The following KIAA1549 variants were observed in gnomAD, a reference collection of about 807,000 sequenced individuals.
KIAA1549 encodes UPF0606 protein KIAA1549.
A neutral mutation model predicts 156.4 loss-of-function variants in KIAA1549; 70 were observed. That is an observed-to-expected ratio of 0.45 (90% CI 0.37 to 0.55). The LOEUF is 0.55. KIAA1549 is among the 20% of genes least tolerant of loss of function. KIAA1549 has a pLI of 0.00. For missense variants in KIAA1549, 2,428 were observed against 2,540.9 expected (o/e 0.96, Z 0.96); for synonymous variants, 1,103 against 1,066.4 (o/e 1.03, Z -0.67).
intron 15 of KIAA1549, among the ~76,000 whole-genome samples, chr7:138,865,357 G>A (rs1391717995): frequency 1.3e-5 from 2 of 151,976 alleles, no homozygotes; most frequent in Non-Finnish European, 2.9e-5. Flanking sequence ...CACCGCTCAA[G>A]GAGAAGATAT....
At chr7:138,958,679 C>G in intron 1 of KIAA1549, among the ~76,000 whole-genome samples, 1 of 152,120 alleles carries the variant, frequency 6.6e-6, no homozygotes, top group Non-Finnish European at 1.5e-5. Context: ...CTCACATCAG[C>G]TACTCTTCTT....
chr7:138,909,627 T>C (rs975251796), intron 4 of KIAA1549, among the ~76,000 whole-genome samples: 1 of 152,206 alleles, frequency 6.6e-6, no homozygotes, highest in African/African-American at 2.4e-5. Flanking sequence ...ATGTCCACAA[T>C]GAAAAGTTAA....
chr7:138,886,604 C>T (rs1394807745), intron 10 of KIAA1549, among the ~76,000 whole-genome samples: 1 of 152,020 alleles, frequency 6.6e-6, no homozygotes, highest in East Asian at 1.9e-4. Context: ...CTGAAATTCT[C>T]GGATCAATGG....
intron 1 of KIAA1549, among the ~76,000 whole-genome samples, chr7:138,970,705 G>A (rs1490741428): frequency 6.6e-6 from 1 of 152,212 alleles, no homozygotes; most frequent in Non-Finnish European, 1.5e-5. Context: ...CACACTTGGA[G>A]CAGCAAGGAC....
chr7:138,885,494 A>G (rs1393762223), intron 10 of KIAA1549, among the ~76,000 whole-genome samples: 2 of 152,068 alleles, frequency 1.3e-5, no homozygotes, highest in African/African-American at 4.8e-5. Context: ...CATTATCTTC[A>G]TACATTCTCT....
intron 7 of KIAA1549, 77 bp from the exon 8 acceptor site, chr7:138,903,813 G>T: frequency 4.4e-6 from 1 of 226,002 alleles, no homozygotes; most frequent in Non-Finnish European, 7.6e-6. Flanking sequence ...GTGTGTGTGT[G>T]TGTGTGTGTG....
At chr7:138,937,732 G>A (rs967828025) in intron 1 of KIAA1549, among the ~76,000 whole-genome samples, 1 of 152,164 alleles carries the variant, frequency 6.6e-6, no homozygotes, top group Non-Finnish European at 1.5e-5. Context: ...TCACCAAGAG[G>A]AGCCTGTCGT....
chr7:138,889,028 A>T (rs1811479553), intron 10 of KIAA1549, among the ~76,000 whole-genome samples: 1 of 152,216 alleles, frequency 6.6e-6, no homozygotes, highest in Admixed American at 6.5e-5. Context: ...GAAAACAGAT[A>T]TACTAAACAG....
intron 4 of KIAA1549, among the ~76,000 whole-genome samples, chr7:138,909,979 A>G (rs1812122124): frequency 6.6e-6 from 1 of 152,144 alleles, no homozygotes; most frequent in African/African-American, 2.4e-5. Flanking sequence ...ATCACTGTTA[A>G]CTTCATATAC....
At chr7:138,862,796 T>C (rs1810626200) in intron 15 of KIAA1549, among the ~76,000 whole-genome samples, 1 of 152,028 alleles carries the variant, frequency 6.6e-6, no homozygotes, top group African/African-American at 2.4e-5. Context: ...CTGGGCGTAG[T>C]GTGCACGCCT....
rs1298975054 is a variant in KIAA1549 at position 138,846,664 on chromosome 7, T to G, written c.5295-2190A>C. ...TCTTAGTAATATTATGAAAGTTGTT[T>G]TGATCTCACAGACACGCCCTCCCCC... On this transcript the variant is annotated intron_variant, in intron 17 of 19. Coordinates refer to ENST00000422774, the MANE Select transcript of KIAA1549 (RefSeq NM_001164665.2). Among the ~76,000 whole-genome samples, 8 of 152,120 alleles carry G rather than the reference T, an allele frequency of 5.3e-5. No individual in the cohort carries two copies. In the East Asian group the frequency reaches 1.5e-3, roughly 29 times the overall value.
At chr7:138,977,449 A>G (rs1814411544) in intron 1 of KIAA1549, among the ~76,000 whole-genome samples, 1 of 152,194 alleles carries the variant, frequency 6.6e-6, no homozygotes, top group African/African-American at 2.4e-5. Context: ...TGAATACTCA[A>G]TGCAAGTGAT....
At chr7:138,952,629 C>T (rs1371845753) in intron 1 of KIAA1549, among the ~76,000 whole-genome samples, 3 of 152,160 alleles carry the variant, frequency 2.0e-5, no homozygotes, top group African/African-American at 4.8e-5. Flanking sequence ...ATACAATAAC[C>T]GCCTAATGAG....
In KIAA1549 at chr7:138,981,363, G is replaced by T. The variant is rs1161928447; in HGVS notation, c.-94C>A. 1.1e-5 allele frequency: 5 copies of T among 441,728 alleles called. No homozygotes were observed. Among genetic ancestry groups the T allele is most frequent in the Non-Finnish European group, 1.5e-5 (5 of 336,272 alleles). 27.4% of individuals were successfully genotyped at this position (441,728 alleles called of 1,614,324 possible). On this transcript the variant is annotated 5_prime_UTR_variant, in exon 1 of 20. Transcript: ENST00000422774. This position sits in a 1 kb window ranked among gnomAD's most constrained non-coding sequence, Gnocchi z 4.5. Reference sequence around the variant, plus strand: ...GGCTGCGGCTGGGACGGGGCGCCGCGCACCGGCGCGGAGGGAGGCCGGAGA... The same window carrying T: ...GGCTGCGGCTGGGACGGGGCGCCGCTCACCGGCGCGGAGGGAGGCCGGAGA...
At chr7:138,953,326 G>A (rs187447844) in intron 1 of KIAA1549, among the ~76,000 whole-genome samples, 10 of 152,034 alleles carry the variant, frequency 6.6e-5, no homozygotes, top group South Asian at 2.1e-4. Context: ...ACTGCATTTC[G>A]GCCTAGACAA....
chr7:138,968,576 G>A (rs1051553714), intron 1 of KIAA1549, among the ~76,000 whole-genome samples: 4 of 151,354 alleles, frequency 2.6e-5, no homozygotes, highest in African/African-American at 9.7e-5. Flanking sequence ...GGCCAGGCGT[G>A]GTGGCTCACG....
intron 1 of KIAA1549, among the ~76,000 whole-genome samples, chr7:138,944,674 A>G: frequency 6.9e-6 from 1 of 144,156 alleles, no homozygotes; most frequent in East Asian, 1.9e-4. Flanking sequence ...GAAAAAAAAA[A>G]AGGTGATATA....
rs1306676040 is a variant in KIAA1549, at chr7:138,836,816, GCTGAA to G, written c.*1085_*1089del. 1 of 224,676 alleles carries G rather than the reference GCTGAA, an allele frequency of 4.5e-6. No individual in the cohort carries two copies. Among genetic ancestry groups the G allele is most frequent in the Non-Finnish European group, 8.9e-6 (1 of 112,880 alleles). The allele number at this position is 224,676 out of a possible 1,614,324, so 13.9% of individuals were successfully genotyped here. On this transcript the variant is annotated 3_prime_UTR_variant, in exon 20 of 20. Transcript: ENST00000422774. ...ACATTTCTTGATTCATTACAGAGAG[GCTGAA>G]CTGAACTCAATTTCATTTCCAGGCT... is the stretch of plus-strand genomic sequence containing the variant.
In KIAA1549 at chr7:138,918,069, T is replaced by C. The variant is rs777359193; in HGVS notation, c.1557A>G (p.Thr519=). ...AEVDMSSVTT[T]QVPPAHGRLS... is the part of the protein sequence containing the mutation. The stretch of plus-strand genomic sequence containing the variant: ...GGCGGCCGTGGGCAGGGGGAACCTG[T>C]GTGGTTGTAACACTACTCATATCCA... The change falls in exon 2 of 20, where the codon ACA becomes ACG. Residue 519 remains threonine (T), a synonymous_variant. Coordinates refer to ENST00000422774, the MANE Select transcript of KIAA1549 (RefSeq NM_001164665.2). This position sits in a 1 kb window ranked among gnomAD's most constrained non-coding sequence, Gnocchi z 4.2. 3 of 1,613,502 alleles carry C rather than the reference T, an allele frequency of 1.9e-6. No homozygotes were observed. The highest frequency in any genetic ancestry group is 2.5e-6 in the Non-Finnish European group (3 of 1,179,718).
Sources: allele counts gnomAD v4.1 joint callset (sites outside exome capture counted in the v4.1 genomes callset), GRCh38; gene constraint gnomAD v4.1.1; non-coding constraint Gnocchi (gnomAD v3.1); transcripts MANE v1.5; gene names NCBI Gene and HGNC (gene_info 2026-07-23, HGNC 2026-07-21).